Variants in DPH6 observed in about 807,000 individuals in gnomAD.
The protein encoded by DPH6 is diphthamine biosynthesis 6.
Under a neutral mutation model 38.2 loss-of-function variants are expected in DPH6, and 33 were observed. That is an observed-to-expected ratio of 0.86 (90% confidence interval 0.65 to 1.15). The LOEUF is 1.15. Ranked by LOEUF, DPH6 falls within the 50% of genes most tolerant of loss-of-function variation. The pLI is 0.00. For synonymous variants in DPH6, 108 were observed against 103.0 expected (o/e 1.05, Z -0.30); for missense variants, 325 against 320.0 (o/e 1.02, Z -0.12).
At chr15:35,298,452 G>A (rs898405848) in intron 3 of DPH6, 1 of 760,270 alleles carries the variant, frequency 1.3e-6, no homozygotes, top group African/African-American at 1.7e-5. Flanking sequence ...CCAACTTTGA[G>A]ATATTTTTCA....
intron 3 of DPH6, chr15:35,282,597 T>G: frequency 5.4e-6 from 2 of 369,804 alleles, no homozygotes; most frequent in Admixed American, 5.5e-5. Flanking sequence ...TGCTCCAGAA[T>G]GGGAGATGAG....
the DPH6 span, among the ~76,000 whole-genome samples, chr15:35,180,467 C>A: frequency 6.7e-6 from 1 of 148,382 alleles, no homozygotes; most frequent in Non-Finnish European, 1.5e-5. Context: ...TTCCACAATG[C>A]CTAATTAATT....
the DPH6 span, among the ~76,000 whole-genome samples, chr15:35,180,689 C>T: frequency 6.6e-6 from 1 of 151,934 alleles, no homozygotes; most frequent in African/African-American, 2.4e-5. Flanking sequence ...TCATGTTGCC[C>T]AGGCTGTGGA....
At chr15:35,470,589 C>G (rs1012580982) in intron 3 of DPH6, among the ~76,000 whole-genome samples, 1 of 152,136 alleles carries the variant, frequency 6.6e-6, no homozygotes, top group African/African-American at 2.4e-5. Context: ...ACGTTTGCTC[C>G]TAAGTCAAAA....
intron 6 of DPH6, among the ~76,000 whole-genome samples, chr15:35,387,916 G>A (rs1458839900): frequency 6.6e-6 from 1 of 152,060 alleles, no homozygotes; most frequent in African/African-American, 2.4e-5. Context: ...TCCCTGTCTT[G>A]TGCCAGTTTT....
At chr15:35,317,239 G>A (rs569608413) in intron 3 of DPH6, among the ~76,000 whole-genome samples, 1 of 151,162 alleles carries the variant, frequency 6.6e-6, no homozygotes, top group Non-Finnish European at 1.5e-5. Context: ...TCCAGCCTGG[G>A]TGACAGAGAG....
the DPH6 span, among the ~76,000 whole-genome samples, chr15:35,186,240 C>A: frequency 6.6e-6 from 1 of 152,210 alleles, no homozygotes; most frequent in East Asian, 1.9e-4. Context: ...TCCTTTATAT[C>A]TTCAAAGAAA....
intron 3 of DPH6, among the ~76,000 whole-genome samples, chr15:35,492,468 A>T (rs10851977): frequency 6.6e-5 from 10 of 151,966 alleles, no homozygotes; most frequent in Admixed American, 3.9e-4. Flanking sequence ...AAGTGCTAGA[A>T]GGTAATCCAT....
rs541589924 is a variant in DPH6 at position 35,265,160 on chromosome 15, A to G, written n.201-44578T>C. ...TAACAGTACTGTGGTTTTACTATAA[A>G]CATAGTAAAATAACTTCAAATCAAA... On this transcript the variant is annotated intron_variant and non_coding_transcript_variant, in intron 3 of 3. Transcript: ENST00000560386. Among the ~76,000 whole-genome samples, 4 of 152,322 alleles carry G rather than the reference A, an allele frequency of 2.6e-5. No homozygotes were observed. The East Asian group carries it at 7.7e-4, about 29-fold the overall frequency.
At chr15:35,422,599 T>C (rs959670431) in intron 5 of DPH6, among the ~76,000 whole-genome samples, 2 of 151,894 alleles carry the variant, frequency 1.3e-5, no homozygotes, top group Non-Finnish European at 2.9e-5. Flanking sequence ...TCTATCCTCT[T>C]AGCAAATTTC....
At chr15:35,453,191 C>T (rs894028864) in intron 4 of DPH6, among the ~76,000 whole-genome samples, 4 of 152,248 alleles carry the variant, frequency 2.6e-5, no homozygotes, top group South Asian at 2.1e-4. Context: ...TATAATATAA[C>T]GTCTGTTCAT....
chr15:35,400,805 T>C (rs1566896076), intron 6 of DPH6: 3 of 760,532 alleles, frequency 3.9e-6, no homozygotes, highest in Admixed American at 1.7e-5. Context: ...CAATGGGGAA[T>C]GCTCACGGAC....
chr15:35,318,231 A>C (rs946879740), intron 3 of DPH6, among the ~76,000 whole-genome samples: 9 of 152,128 alleles, frequency 5.9e-5, no homozygotes, highest in African/African-American at 7.2e-5. Context: ...TAAGCAAAAG[A>C]AAGTTGGTAT....
At chr15:35,485,877 TC>T (rs1465345101) in intron 3 of DPH6, among the ~76,000 whole-genome samples, 3 of 152,210 alleles carry the variant, frequency 2.0e-5, no homozygotes, top group African/African-American at 7.2e-5. Context: ...CCAGGACTCT[TC>T]CTTCCCTGTA....
At chr15:35,147,300 G>A in the DPH6 span, among the ~76,000 whole-genome samples, 12 of 152,158 alleles carry the variant, frequency 7.9e-5, no homozygotes, top group South Asian at 1.2e-3. Context: ...ACCTTCCGAC[G>A]CCTTTCTCAA....
At chr15:35,275,014 A>G (rs1001948452) in intron 3 of DPH6, among the ~76,000 whole-genome samples, 1 of 151,904 alleles carries the variant, frequency 6.6e-6, no homozygotes, top group African/African-American at 2.4e-5. Context: ...TCCCGGGTTC[A>G]CGCCATTCTC....
the DPH6 span, among the ~76,000 whole-genome samples, chr15:35,157,971 C>A: frequency 6.6e-6 from 1 of 151,966 alleles, no homozygotes; most frequent in Non-Finnish European, 1.5e-5. Flanking sequence ...ATCAGATCTT[C>A]TAGATTTATA....
chr15:35,312,010 G>GAAAAAAAAAA (rs10573455), intron 3 of DPH6, among the ~76,000 whole-genome samples: 45 of 102,120 alleles, frequency 4.4e-4, no homozygotes, highest in Admixed American at 4.6e-4. Flanking sequence ...TTAAGAAAAT[G>GAAAAAAAAAA]AAAAAAAAAA....
At chr15:35,271,245 T>TAAACAAAC (rs58147897) in intron 3 of DPH6, among the ~76,000 whole-genome samples, 4 of 151,982 alleles carry the variant, frequency 2.6e-5, no homozygotes, top group African/African-American at 9.7e-5. Context: ...TCAATGGAGT[T>TAAACAAAC]AAACAAACAA....
Sources: gnomAD v4.1 joint callset for allele counts (sites outside exome capture counted in the v4.1 genomes callset) on GRCh38, gnomAD v4.1.1 for gene constraint, MANE v1.5 for transcripts, NCBI Gene and HGNC (gene_info 2026-07-23, HGNC 2026-07-21) for gene names.